Variants in GALNT8 observed in about 807,000 individuals in gnomAD.
GALNT8 encodes probable polypeptide N-acetylgalactosaminyltransferase 8.
GALNT8 carries 66 observed loss-of-function variants against 62.7 expected under a neutral mutation model. The observed-to-expected ratio is 1.05, with a 90% confidence interval of 0.86 to 1.29. The LOEUF (loss-of-function observed/expected upper bound fraction) is 1.29. Among genes scored for constraint, GALNT8 ranks in the 50% most tolerant of loss-of-function variants. The pLI is 0.00. For synonymous variants in GALNT8, 288 were observed against 294.3 expected (o/e 0.98, Z 0.22); for missense variants, 771 against 791.8 (o/e 0.97, Z 0.32).
chr12:4,731,937 C>T (rs1282425266), intron 2 of GALNT8, among the ~76,000 whole-genome samples: 1 of 152,052 alleles, frequency 6.6e-6, no homozygotes, highest in African/African-American at 2.4e-5. Flanking sequence ...AATGAGGGAC[C>T]TTCATTAAAA....
At chr12:4,745,323 A>T (rs1467084974) in intron 4 of GALNT8, 106 bp from the exon 5 acceptor site, 1 of 730,402 alleles carries the variant, frequency 1.4e-6, no homozygotes, top group African/African-American at 1.7e-5. Flanking sequence ...GCCTAAATGG[A>T]GGAGGTACTC....
intron 10 of GALNT8, 123 bp from the exon 11 acceptor site, chr12:4,772,322 C>A: frequency 1.2e-6 from 1 of 803,216 alleles, no homozygotes; most frequent in Non-Finnish European, 2.0e-6. Flanking sequence ...CCCTGGATGA[C>A]TTGTGGAGCA....
intron 6 of GALNT8, among the ~76,000 whole-genome samples, chr12:4,754,226 A>G (rs1305600516): frequency 6.6e-6 from 1 of 152,056 alleles, no homozygotes; most frequent in Non-Finnish European, 1.5e-5. Flanking sequence ...CTGGTGCTCT[A>G]CAATCAGTAG....
chr12:4,766,041 G>T (rs1421266169), intron 10 of GALNT8, among the ~76,000 whole-genome samples: 1 of 152,216 alleles, frequency 6.6e-6, no homozygotes, highest in Non-Finnish European at 1.5e-5. Context: ...AAAGCGCTGG[G>T]ATTACAGGTG....
chr12:4,727,872 G>T lies in GALNT8; in HGVS notation c.509+1043G>T, dbSNP rs562019897. Among the ~76,000 whole-genome samples, 4 of 152,186 alleles carry T rather than the reference G, an allele frequency of 2.6e-5. No individual in the cohort carries two copies. The East Asian group carries it at 7.7e-4, about 29-fold the overall frequency. The stretch of plus-strand genomic sequence containing the variant: ...TGAACAAATGTCTTCTTTTCTTGTA[G>T]GTGTACCCGATGGGTAGAATTGCTG... On this transcript the variant is annotated intron_variant, in intron 2 of 10. Transcript: ENST00000252318.
intron 2 of GALNT8, among the ~76,000 whole-genome samples, chr12:4,727,605 A>G (rs1485086907): frequency 6.6e-6 from 1 of 152,220 alleles, no homozygotes. Context: ...TAATTGAATC[A>G]GGTAATATGG....
intron 10 of GALNT8, among the ~76,000 whole-genome samples, chr12:4,766,400 G>A (rs185660358): frequency 5.2e-4 from 79 of 152,272 alleles, no homozygotes; most frequent in Non-Finnish European, 9.9e-4. Context: ...ATGAGATAGC[G>A]TGTGTAAAGC....
chr12:4,721,230 T>C (rs909191639), intron 1 of GALNT8, among the ~76,000 whole-genome samples: 1 of 152,056 alleles, frequency 6.6e-6, no homozygotes, highest in Non-Finnish European at 1.5e-5. Context: ...CTTAGGCCTA[T>C]TGAAGGGGTG....
Position 4,721,042 on chromosome 12 carries a change from A to C in GALNT8, c.211+154A>C, listed in dbSNP as rs71579263. 3.4e-3 allele frequency among the ~76,000 whole-genome samples: 515 copies of C among 152,220 alleles called. 2 individuals are homozygous for C. Among genetic ancestry groups the C allele is most frequent in the Non-Finnish European group, 5.1e-3 (350 of 68,006 alleles). ...TCTGACACTGAATTCTGTGCCTTCA[A>C]ATGGGAGATGGGTATTGAGAATGAA... On this transcript the variant is annotated intron_variant, in intron 1 of 10. Transcript: ENST00000252318.
intron 5 of GALNT8, 58 bp downstream of exon 5, chr12:4,745,684 G>T: frequency 7.7e-7 from 1 of 1,305,032 alleles, no homozygotes; most frequent in Non-Finnish European, 1.1e-6. Flanking sequence ...GGAATGAACT[G>T]AATGGATTTT....
chr12:4,738,106 A>G (rs1360403835), intron 2 of GALNT8, among the ~76,000 whole-genome samples: 3 of 152,216 alleles, frequency 2.0e-5, no homozygotes, highest in African/African-American at 4.8e-5. Flanking sequence ...ACATGGGGGA[A>G]AATATTTACA....
At chr12:4,755,029 G>C (rs767661951) in intron 6 of GALNT8, among the ~76,000 whole-genome samples, 1 of 152,194 alleles carries the variant, frequency 6.6e-6, no homozygotes, top group Non-Finnish European at 1.5e-5. Flanking sequence ...GAAGGGGTCT[G>C]TTTTGGAGCT....
intron 2 of GALNT8, among the ~76,000 whole-genome samples, chr12:4,737,970 G>C (rs556300040): frequency 2.0e-5 from 3 of 152,294 alleles, no homozygotes; most frequent in Admixed American, 6.5e-5. Context: ...CAGGTATACT[G>C]TTATAGCTGC....
At chr12:4,745,319 A>G (rs1946292293) in intron 4 of GALNT8, 110 bp from the exon 5 acceptor site, 1 of 720,330 alleles carries the variant, frequency 1.4e-6, no homozygotes, top group East Asian at 2.6e-5. Context: ...TACAGCCTAA[A>G]TGGAGGAGGT....
Position 4,736,093 on chromosome 12 carries a change from T to G in GALNT8, c.510-3070T>G, listed in dbSNP as rs116378885. ...ATTGCCAAGAAGAGCCCTCCTTGGA[T>G]CACACTTATCTCTGGGTCATCTAGA... On this transcript the variant is annotated intron_variant, in intron 2 of 10. Transcript: ENST00000252318. 1.7e-3 allele frequency among the ~76,000 whole-genome samples: 258 copies of G among 152,264 alleles called. 1 individual carries two copies. Among genetic ancestry groups the G allele is most frequent in the African/African-American group, 6.1e-3 (253 of 41,538 alleles).
chr12:4,767,620 A>G (rs550951962), intron 10 of GALNT8, among the ~76,000 whole-genome samples: 46 of 152,320 alleles, frequency 3.0e-4, no homozygotes, highest in African/African-American at 1.0e-3. Flanking sequence ...GGTTTCCTAC[A>G]GAAGAATAGG....
At chr12:4,738,088 A>C (rs1946253686) in intron 2 of GALNT8, among the ~76,000 whole-genome samples, 1 of 152,208 alleles carries the variant, frequency 6.6e-6, no homozygotes, top group Non-Finnish European at 1.5e-5. Flanking sequence ...AGCTCCCTCT[A>C]TCCTTTTACA....
rs750131911 is a variant in GALNT8, at chr12:4,755,475, G to A, written c.1174-5483G>A. Among the ~76,000 whole-genome samples, 73 of 152,184 alleles carry A rather than the reference G, an allele frequency of 4.8e-4. 1 individual carries two copies. The highest frequency in any genetic ancestry group is 4.8e-3 in the Admixed American group (73 of 15,280). On this transcript the variant is annotated intron_variant, in intron 6 of 10. Transcript: ENST00000252318. The stretch of plus-strand genomic sequence containing the variant: ...GCTGCAGCTACTGGGGATGGGGGAG[G>A]GGTAGCATCAGTGATTCGCTACTGT...
In GALNT8 at chr12:4,758,009, GTCTC is replaced by G. The variant is rs994556548; in HGVS notation, c.1174-2945_1174-2942del. Among the ~76,000 whole-genome samples the G allele has an allele frequency of 2.6e-5, 4 of 152,104 alleles. No individual in the cohort carries two copies. The East Asian group carries it at 7.7e-4, about 29-fold the overall frequency. On this transcript the variant is annotated intron_variant, in intron 6 of 10. Coordinates refer to ENST00000252318, the MANE Select transcript of GALNT8 (RefSeq NM_017417.2). ...TTCTCTCCTTCTGCACCTAGGCTGA[GTCTC>G]TCTGTTTTCATTCTCCCAAACACAC...
Sources: gnomAD v4.1 joint callset for allele counts (sites outside exome capture counted in the v4.1 genomes callset) on GRCh38, gnomAD v4.1.1 for gene constraint, MANE v1.5 for transcripts, NCBI Gene and HGNC (gene_info 2026-07-23, HGNC 2026-07-21) for gene names.